The following ABCA1 variants were observed in gnomAD, a reference collection of about 807,000 sequenced individuals.
ABCA1 encodes the protein ATP binding cassette subfamily A member 1.
Under a neutral mutation model 262.5 loss-of-function variants are expected in ABCA1, and 133 were observed. That is an observed-to-expected ratio of 0.51 (90% CI 0.44 to 0.59). The LOEUF is 0.59. Ranked by LOEUF, ABCA1 falls within the 20% of genes least tolerant of loss-of-function variation. The pLI is 0.00. For synonymous variants in ABCA1, 1,022 were observed against 1,043.5 expected, an observed-to-expected ratio of 0.98 and a Z score of 0.40; for missense variants, 2,452 against 2,777.5, an observed-to-expected ratio of 0.88 and a Z score of 2.63.
In ABCA1 at chr9:104,830,936, G is replaced by C. The variant is rs376462722; in HGVS notation, c.1881C>G (p.Tyr627Ter). 1.9e-6 allele frequency: 3 copies of C among 1,613,204 alleles called. No homozygotes were observed. Among genetic ancestry groups the C allele is most frequent in the Non-Finnish European group, 2.5e-6 (3 of 1,179,870 alleles). The change falls in exon 14 of 50, where the codon TAC (tyrosine) becomes TAG (stop). Residue 627 changes from tyrosine (Y) to a stop codon, truncating the protein, a stop_gained. Transcript: ENST00000374736. LOFTEE classifies it high-confidence loss of function. ...TGCAGGTAACTTACATGTCATCAAC[G>C]TAACAGGGATAGGGCATCTGTTGCA... ...VYMQQMPYPC[Y>*]VDDIFLRVMS...
chr9:104,861,938 A>G, intron 5 of ABCA1, 138 bp from the exon 6 acceptor site: 3 of 772,670 alleles, frequency 3.9e-6, no homozygotes, highest in Middle Eastern at 3.7e-4. Flanking sequence ...CACAGGAATG[A>G]GATAGGGGAG....
chr9:104,830,817 A>C, intron 14 of ABCA1, 108 bp downstream of exon 14: 1 of 1,301,246 alleles, frequency 7.7e-7, no homozygotes, highest in Non-Finnish European at 1.1e-6. Context: ...TACATCTGGC[A>C]TCTTATTTCC....
intron 5 of ABCA1, among the ~76,000 whole-genome samples, chr9:104,873,118 G>A (rs539876794): frequency 1.3e-4 from 20 of 152,278 alleles, no homozygotes; most frequent in African/African-American, 4.8e-4. Context: ...TAGTGGAAAG[G>A]TTTCCAAATA....
chr9:104,881,627 T>C (rs1016160741), intron 5 of ABCA1, among the ~76,000 whole-genome samples: 1 of 152,112 alleles, frequency 6.6e-6, no homozygotes, highest in Non-Finnish European at 1.5e-5. Context: ...CACAGGGTAA[T>C]GTATGCTAGC....
At chr9:104,880,637 C>G (rs186903403) in intron 5 of ABCA1, among the ~76,000 whole-genome samples, 9 of 152,196 alleles carry the variant, frequency 5.9e-5, no homozygotes, top group Non-Finnish European at 1.0e-4. Context: ...TATACTGAAG[C>G]CTGTTTTGTG....
chr9:104,884,481 C>T lies in ABCA1; in HGVS notation c.248G>A (p.Arg83His), dbSNP rs751367482. ...IICNANNPCFRYPTPGEAPGV... is the reference protein window; with the variant it reads ...IICNANNPCFHYPTPGEAPGV... ...GGGAGCCTCCCCAGGAGTCGGGTAA[C>T]GGAAACAGGGGTTGTTGGCATTACA... Residue 83 changes from arginine to histidine, a missense_variant, in exon 4 of 50, where the codon CGT becomes CAT. This residue lies in a region of ABCA1 where 1,032 missense variants were observed against 1,089.7 expected (regional missense o/e 0.95). Coordinates refer to ENST00000374736, the MANE Select transcript of ABCA1 (RefSeq NM_005502.4). 4.5e-5 allele frequency: 73 copies of T among 1,614,080 alleles called. No individual in the cohort carries two copies. The highest frequency in any genetic ancestry group is 5.5e-5 in the Non-Finnish European group (65 of 1,180,036).
intron 1 of ABCA1, among the ~76,000 whole-genome samples, chr9:104,922,915 CCAT>C (rs1166309503): frequency 2.6e-5 from 4 of 152,058 alleles, no homozygotes; most frequent in Non-Finnish European, 5.9e-5. Flanking sequence ...CGGGGTTTCA[CCAT>C]ATTTGCCAGG....
chr9:104,862,000 A>C (rs1836441350), intron 5 of ABCA1, among the ~76,000 whole-genome samples, 200 bp from the exon 6 acceptor site: 1 of 151,886 alleles, frequency 6.6e-6, no homozygotes, highest in African/African-American at 2.4e-5. Context: ...TAACATGTTG[A>C]GCCACACTCA....
chr9:104,789,571 T>C (rs1050975416), intron 44 of ABCA1, among the ~76,000 whole-genome samples: 9 of 152,216 alleles, frequency 5.9e-5, no homozygotes, highest in Non-Finnish European at 1.2e-4. Context: ...GAAATAAATT[T>C]AGTGGGTCAT....
intron 1 of ABCA1, among the ~76,000 whole-genome samples, chr9:104,913,797 T>C (rs562661139): frequency 2.6e-5 from 4 of 152,192 alleles, no homozygotes; most frequent in South Asian, 2.1e-4. Context: ...TTTTATTTAT[T>C]TATCTATTTA....
intron 23 of ABCA1, among the ~76,000 whole-genome samples, chr9:104,818,191 A>G (rs906842073): frequency 6.6e-6 from 1 of 152,156 alleles, no homozygotes; most frequent in African/African-American, 2.4e-5. Flanking sequence ...AAAGGTTGTA[A>G]ATGGTAACAA....
intron 20 of ABCA1, 96 bp downstream of exon 20, chr9:104,821,279 C>T (rs1206433449): frequency 1.3e-6 from 2 of 1,523,454 alleles, no homozygotes; most frequent in East Asian, 2.3e-5. Flanking sequence ...AACAAAAACA[C>T]AGCAAAGTAA....
At chr9:104,871,579 C>A (rs77546699) in intron 5 of ABCA1, among the ~76,000 whole-genome samples, 37 of 152,204 alleles carry the variant, frequency 2.4e-4, no homozygotes, top group African/African-American at 8.2e-4. Context: ...ATAACATTGA[C>A]CCAAATGAAT....
At chr9:104,927,855 G>A (rs867303286) in intron 1 of ABCA1, 80 bp downstream of exon 1, 55 of 152,512 alleles carry the variant, frequency 3.6e-4, no homozygotes, top group African/African-American at 1.2e-3. Flanking sequence ...CAAAGTCCCC[G>A]AAACCGAGCA....
In ABCA1 at chr9:104,822,579, A is replaced by G. The variant is rs1399032259; in HGVS notation, c.2745T>C (p.Ala915=). Residue 915 remains alanine, a synonymous_variant, in exon 19 of 50, where the codon GCT becomes GCC. Transcript: ENST00000374736. ...AAAAATTCAGTGCCAGGCCATCGAC[A>G]GCCACCTTCATCCCATCTCGGTAGA... ...VKVYRDGMKV[A]VDGLALNFYE... is the part of the protein sequence containing the mutation. The G allele has an allele frequency of 1.2e-6, 2 of 1,614,112 alleles. No individual in the cohort carries two copies. The highest frequency in any genetic ancestry group is 1.7e-6 in the Non-Finnish European group (2 of 1,180,000).
intron 5 of ABCA1, among the ~76,000 whole-genome samples, chr9:104,866,403 GCC>G (rs1837090316): frequency 6.6e-6 from 1 of 151,886 alleles, no homozygotes; most frequent in African/African-American, 2.4e-5. Flanking sequence ...TCATGACATG[GCC>G]CATGAGTCAC....
chr9:104,806,112 A>G (rs1470258572), intron 31 of ABCA1, 129 bp downstream of exon 31: 3 of 1,066,538 alleles, frequency 2.8e-6, no homozygotes, highest in South Asian at 3.1e-5. Flanking sequence ...CTCAGAAAAA[A>G]AAACAAAAAA....
chr9:104,824,472 T>C lies in ABCA1; in HGVS notation c.2649A>G (p.Ile883Met), dbSNP rs2066714. Residue 883 changes from isoleucine (I) to methionine (M), a missense_variant, in exon 18 of 50, where the codon ATA becomes ATG. By Grantham distance (10) the Ile-to-Met change is conservative. This residue lies in a region of ABCA1 where 1,032 missense variants were observed against 1,089.7 expected (regional missense o/e 0.95). Transcript: ENST00000374736. ...GAGGTCAACAGCACTTACTTTCTGA[T>C]ATTCTCTTCTGGTTGGAACCAGGGT... ...KSHPGSNQKR[I>M]SEICMEEEPT... 0.17 allele frequency: 269,624 copies of C among 1,613,862 alleles called. 33,696 individuals are homozygous for C. The highest frequency in any genetic ancestry group is 0.67 in the East Asian group (29,905 of 44,844).
chr9:104,891,722 T>C (rs2118348443), intron 2 of ABCA1, among the ~76,000 whole-genome samples: 1 of 151,052 alleles, frequency 6.6e-6, no homozygotes, highest in South Asian at 2.1e-4. Context: ...TCCCAGAACT[T>C]TGCGAGGCCA....
Sources: gnomAD v4.1 joint callset for allele counts (sites outside exome capture counted in the v4.1 genomes callset) on GRCh38, gnomAD v4.1.1 for gene constraint, gnomAD v4.1.1 regional missense constraint, MANE v1.5 for transcripts, NCBI Gene and HGNC (gene_info 2026-07-23, HGNC 2026-07-21) for gene names.